The following B3GALT1 variants were observed in gnomAD, a reference collection of about 807,000 sequenced individuals.
B3GALT1 encodes the protein beta-1,3-galactosyltransferase 1.
Under a neutral mutation model 23.2 loss-of-function variants are expected in B3GALT1, and 10 were observed. The ratio of observed to expected loss-of-function variants is 0.43; its 90% CI spans 0.27 to 0.73. The LOEUF (loss-of-function observed/expected upper bound fraction) is 0.73, where lower values mean the gene tolerates loss of function less well. Ranked by LOEUF, B3GALT1 falls within the 30% of genes least tolerant of loss-of-function variation. The probability of loss-of-function intolerance (pLI) is 0.21; values close to 1 mark genes in which losing one functional copy is unlikely to be tolerated. For synonymous variants in B3GALT1, 156 were observed against 141.5 expected (o/e 1.10, Z -0.73); for missense variants, 299 against 405.4 (o/e 0.74, Z 2.25).
intron 1 of B3GALT1, among the ~76,000 whole-genome samples, chr2:167,311,486 T>G (rs916847931): frequency 4.6e-5 from 7 of 152,034 alleles, no homozygotes; most frequent in Non-Finnish European, 1.0e-4. Context: ...TTTGTAATTT[T>G]TAAAATTTTT....
chr2:167,741,539 A>G (rs1178020078), intron 3 of B3GALT1, among the ~76,000 whole-genome samples: 1 of 152,194 alleles, frequency 6.6e-6, no homozygotes, highest in African/African-American at 2.4e-5. Flanking sequence ...TATAATAATA[A>G]TAGAGATTTG....
chr2:167,461,320 A>G (rs1344462947), intron 1 of B3GALT1, among the ~76,000 whole-genome samples: 1 of 152,222 alleles, frequency 6.6e-6, no homozygotes, highest in East Asian at 1.9e-4. Flanking sequence ...ACAATTTGCC[A>G]TTCAGTCATC....
intron 4 of B3GALT1, among the ~76,000 whole-genome samples, chr2:167,846,870 C>T (rs988935080): frequency 2.6e-5 from 4 of 152,116 alleles, no homozygotes; most frequent in Non-Finnish European, 5.9e-5. Context: ...AGGAGACTCA[C>T]GTAGCCCATA....
chr2:167,776,353 G>T (rs1403881485), intron 3 of B3GALT1, among the ~76,000 whole-genome samples: 2 of 152,132 alleles, frequency 1.3e-5, no homozygotes, highest in African/African-American at 2.4e-5. Context: ...CGTGACCTTA[G>T]AATTCAAAGA....
At chr2:167,689,230 A>G (rs1686671004) in intron 3 of B3GALT1, among the ~76,000 whole-genome samples, 1 of 152,040 alleles carries the variant, frequency 6.6e-6, no homozygotes, top group Non-Finnish European at 1.5e-5. Flanking sequence ...TGGATCTCTC[A>G]TCAGAAACCA....
At chr2:167,832,233 C>T (rs1039389492) in intron 4 of B3GALT1, among the ~76,000 whole-genome samples, 4 of 152,166 alleles carry the variant, frequency 2.6e-5, no homozygotes, top group African/African-American at 7.2e-5. Context: ...TGGAATTAGA[C>T]GTCTCTAAAT....
chr2:167,564,562 G>C (rs988159678), intron 2 of B3GALT1, among the ~76,000 whole-genome samples: 1 of 152,190 alleles, frequency 6.6e-6, no homozygotes, highest in Admixed American at 6.5e-5. Flanking sequence ...CTGCACTCCA[G>C]CCTGGGCACC....
chr2:167,616,694 C>CAATAAATA (rs547824482), intron 2 of B3GALT1, among the ~76,000 whole-genome samples: 65 of 151,582 alleles, frequency 4.3e-4, no homozygotes, highest in African/African-American at 1.4e-3. Context: ...GACCCTGTCT[C>CAATAAATA]AATAAATAAA....
At chr2:167,793,425 G>T (rs949631913) in intron 3 of B3GALT1, among the ~76,000 whole-genome samples, 7 of 152,130 alleles carry the variant, frequency 4.6e-5, no homozygotes, top group African/African-American at 1.4e-4. Context: ...GCCCCGTCCT[G>T]GATCACGGGG....
intron 1 of B3GALT1, among the ~76,000 whole-genome samples, chr2:167,485,000 C>A (rs944202971): frequency 9.2e-5 from 14 of 152,120 alleles, no homozygotes; most frequent in African/African-American, 3.1e-4. Context: ...CTTAAGATCT[C>A]TGTTTCAGTG....
intron 1 of B3GALT1, among the ~76,000 whole-genome samples, chr2:167,305,504 G>A (rs1452450963): frequency 1.3e-5 from 2 of 152,100 alleles, no homozygotes; most frequent in Non-Finnish European, 2.9e-5. Flanking sequence ...ACCTAGAAGT[G>A]GAGTTGCTAA....
intron 1 of B3GALT1, among the ~76,000 whole-genome samples, chr2:167,424,019 C>T (rs542766611): frequency 6.6e-6 from 1 of 152,262 alleles, no homozygotes; most frequent in South Asian, 2.1e-4. Flanking sequence ...CAGAGATACA[C>T]ACAAAGTATC....
At chr2:167,604,308 A>G (rs1248483808) in intron 2 of B3GALT1, among the ~76,000 whole-genome samples, 2 of 152,306 alleles carry the variant, frequency 1.3e-5, no homozygotes, top group African/African-American at 4.8e-5. Context: ...ATCAAAGATG[A>G]CAAGAATTTG....
intron 3 of B3GALT1, among the ~76,000 whole-genome samples, chr2:167,778,502 A>G (rs574977024): frequency 2.6e-5 from 4 of 152,344 alleles, no homozygotes; most frequent in Admixed American, 2.6e-4. Flanking sequence ...TGCAAAGCCA[A>G]GTTGTATTTG....
intron 2 of B3GALT1, among the ~76,000 whole-genome samples, chr2:167,585,031 C>T (rs1369399961): frequency 6.6e-6 from 1 of 152,172 alleles, no homozygotes; most frequent in Non-Finnish European, 1.5e-5. Context: ...CAATCCTCTA[C>T]TCCTGCCTTG....
intron 1 of B3GALT1, among the ~76,000 whole-genome samples, chr2:167,471,669 T>A (rs6740851): frequency 6.6e-6 from 1 of 152,114 alleles, no homozygotes. Context: ...ATAAAAAAAA[T>A]GAAAACACTG....
intron 1 of B3GALT1, among the ~76,000 whole-genome samples, chr2:167,349,336 A>G (rs1186826705): frequency 6.6e-6 from 1 of 152,108 alleles, no homozygotes; most frequent in African/African-American, 2.4e-5. Context: ...TCTGTTATCA[A>G]ATCTGTTGCT....
rs1054852465 is a variant in B3GALT1, at chr2:167,662,898, T to C, written c.-352+15932T>C. Among the ~76,000 whole-genome samples, 3 of 152,252 alleles carry C rather than the reference T, an allele frequency of 2.0e-5. No individual in the cohort carries two copies. In the East Asian group the frequency reaches 5.8e-4, roughly 29 times the overall value. On this transcript the variant is annotated intron_variant, in intron 3 of 4. Coordinates refer to ENST00000392690, the MANE Select transcript of B3GALT1 (RefSeq NM_020981.4). ...TTCCAAAGATATATATGCATATGAC[T>C]GCCTTGTCTTCTCCAAGTCTGCATT...
intron 2 of B3GALT1, among the ~76,000 whole-genome samples, chr2:167,588,896 T>A (rs1319112359): frequency 6.7e-6 from 1 of 149,558 alleles, no homozygotes. Flanking sequence ...CTTTCTTCCT[T>A]CTTTCCTTCC....
Sources: gnomAD v4.1 joint callset for allele counts (sites outside exome capture counted in the v4.1 genomes callset) on GRCh38, gnomAD v4.1.1 for gene constraint, MANE v1.5 for transcripts, NCBI Gene and HGNC (gene_info 2026-07-23, HGNC 2026-07-21) for gene names.